The following SYNPO2 variants were observed in gnomAD, a reference collection of about 807,000 sequenced individuals.
The protein encoded by SYNPO2 is synaptopodin-2.
SYNPO2 carries 56 observed loss-of-function variants against 85.0 expected under a neutral mutation model. That is an observed-to-expected ratio of 0.66 (90% CI 0.53 to 0.82). The LOEUF (loss-of-function observed/expected upper bound fraction) is 0.82. SYNPO2 is among the 40% of genes least tolerant of loss of function. The probability of loss-of-function intolerance (pLI) is 0.00; values close to 1 mark genes in which losing one functional copy is unlikely to be tolerated. For synonymous variants in SYNPO2, 602 were observed against 591.1 expected (o/e 1.02, Z -0.27); for missense variants, 1,575 against 1,534.2 (o/e 1.03, Z -0.44).
chr4:119,003,224 A>C (rs968079493), intron 1 of SYNPO2, among the ~76,000 whole-genome samples: 1 of 152,180 alleles, frequency 6.6e-6, no homozygotes, highest in Non-Finnish European at 1.5e-5. Flanking sequence ...GATGGAAGGC[A>C]AAGGGGAAGC....
At chr4:118,983,416 T>C (rs149919629) in intron 1 of SYNPO2, among the ~76,000 whole-genome samples, 1 of 152,242 alleles carries the variant, frequency 6.6e-6, no homozygotes, top group East Asian at 1.9e-4. Context: ...CATTATTTTC[T>C]CCGGAAACTA....
intron 1 of SYNPO2, among the ~76,000 whole-genome samples, chr4:118,903,321 C>T (rs1244596940): frequency 6.6e-6 from 1 of 152,078 alleles, no homozygotes; most frequent in Non-Finnish European, 1.5e-5. Flanking sequence ...ATGAGAAAGC[C>T]TCTTTCTCTT....
Position 119,031,148 on chromosome 4 carries a change from C to T in SYNPO2, c.2373C>T (p.Ala791=). 1 of 1,614,172 alleles carries T rather than the reference C, an allele frequency of 6.2e-7. No homozygotes were observed. Among genetic ancestry groups the T allele is most frequent in the Non-Finnish European group, 8.5e-7 (1 of 1,180,036 alleles). ...SPGVAPTQPP[A]FPTSNPSKGT... is the part of the protein sequence containing the mutation. ...GAGTGGCTCCCACCCAACCTCCTGC[C>T]TTCCCCACATCCAACCCATCAAAGG... The change falls in exon 4 of 5, where the codon GCC becomes GCT. Residue 791 remains alanine, a synonymous_variant. Transcript: ENST00000307142.
At chr4:119,005,299 T>G (rs62327848) in intron 1 of SYNPO2, among the ~76,000 whole-genome samples, 1 of 152,112 alleles carries the variant, frequency 6.6e-6, no homozygotes, top group Non-Finnish European at 1.5e-5. Context: ...TGAAGTCCTT[T>G]CCCATGCCTA....
intron 1 of SYNPO2, among the ~76,000 whole-genome samples, chr4:118,878,671 C>T (rs1009602076): frequency 2.6e-5 from 4 of 152,128 alleles, no homozygotes; most frequent in African/African-American, 7.2e-5. Flanking sequence ...TCTGTAAAAA[C>T]GCACCAATCA....
chr4:118,917,102 A>G (rs908003892), intron 1 of SYNPO2, among the ~76,000 whole-genome samples: 8 of 152,172 alleles, frequency 5.3e-5, no homozygotes, highest in Non-Finnish European at 1.2e-4. Flanking sequence ...TTAAAACACA[A>G]AGAAACAGGC....
At chr4:118,889,214 T>C in intron 1 of SYNPO2, 73 bp downstream of exon 1, 1 of 1,392,426 alleles carries the variant, frequency 7.2e-7, no homozygotes, top group Admixed American at 2.1e-5. Flanking sequence ...GATGGTGTTT[T>C]CAGGTTCTGA....
chr4:119,053,311 C>T (rs929900118), intron 4 of SYNPO2, among the ~76,000 whole-genome samples: 1 of 152,204 alleles, frequency 6.6e-6, no homozygotes, highest in Non-Finnish European at 1.5e-5. Flanking sequence ...TGGACACAAA[C>T]AGAAACTACA....
chr4:119,035,887 C>T (rs899802837), intron 4 of SYNPO2: 2 of 984,840 alleles, frequency 2.0e-6, no homozygotes, highest in Non-Finnish European at 2.4e-6. Flanking sequence ...GACCATTTTC[C>T]TATTTGCAGT....
In SYNPO2 at chr4:119,023,436, A is replaced by C. The variant is rs775583727; in HGVS notation, c.112A>C (p.Asn38His). ...KQPLQVAKIRNQSKASGSGLC... is the reference protein window; with the variant it reads ...KQPLQVAKIRHQSKASGSGLC... The stretch of plus-strand genomic sequence containing the variant: ...CTTTTTTTACTCCACTCAGATTCGA[A>C]ATCAGAGCAAAGCCTCTGGGTCTGG... Residue 38 changes from asparagine (N) to histidine (H), a missense_variant, in exon 2 of 5, where the codon AAT becomes CAT. Physicochemically the swap from Asn to His is moderately conservative, Grantham distance 68. This residue lies in a region of SYNPO2 where 55 missense variants were observed against 55.5 expected (regional missense o/e 0.99). Transcript: ENST00000307142. 1.9e-6 allele frequency: 3 copies of C among 1,606,428 alleles called. No individual in the cohort carries two copies. The highest frequency in any genetic ancestry group is 2.2e-5 in the South Asian group (2 of 89,440).
At chr4:118,987,000 A>ATATT (rs1348210033) in intron 1 of SYNPO2, among the ~76,000 whole-genome samples, 1 of 152,170 alleles carries the variant, frequency 6.6e-6, no homozygotes, top group East Asian at 1.9e-4. Context: ...TCACTCAATA[A>ATATT]ACCAACACAG....
chr4:118,974,097 T>C (rs758767281), intron 1 of SYNPO2, among the ~76,000 whole-genome samples: 2 of 152,232 alleles, frequency 1.3e-5, no homozygotes, highest in Non-Finnish European at 2.9e-5. Flanking sequence ...CATAGCTAAA[T>C]ATTAAACCTG....
intron 4 of SYNPO2, among the ~76,000 whole-genome samples, chr4:119,051,393 T>G (rs960410690): frequency 2.3e-4 from 35 of 150,904 alleles, no homozygotes; most frequent in African/African-American, 8.5e-4. Flanking sequence ...GTTTCACCGT[T>G]TTTTAGCCGG....
In SYNPO2 at chr4:118,939,664, G is replaced by A. The variant is rs116054585; in HGVS notation, c.105+50523G>A. ...AGTCCACATAGTGCTCATATTCCAG[G>A]TGACTGCAAGTGAAGCTAAAATGCA... On this transcript the variant is annotated intron_variant, in intron 1 of 4. Coordinates refer to ENST00000307142, the MANE Select transcript of SYNPO2 (RefSeq NM_133477.3). Among the ~76,000 whole-genome samples the A allele has an allele frequency of 7.3e-3, 1,115 of 152,232 alleles. 15 individuals carry two copies. Among genetic ancestry groups the A allele is most frequent in the African/African-American group, 0.021 (890 of 41,544 alleles).
At chr4:119,012,721 A>G (rs897220296) in intron 1 of SYNPO2, among the ~76,000 whole-genome samples, 5 of 152,196 alleles carry the variant, frequency 3.3e-5, no homozygotes, top group Non-Finnish European at 7.3e-5. Flanking sequence ...TTCAAAGGAC[A>G]TTAACTCCTT....
chr4:118,977,680 G>A (rs1246740873), intron 1 of SYNPO2, among the ~76,000 whole-genome samples: 1 of 152,356 alleles, frequency 6.6e-6, no homozygotes, highest in Non-Finnish European at 1.5e-5. Flanking sequence ...AGCTTCAGAG[G>A]CTAGAAATCA....
intron 1 of SYNPO2, among the ~76,000 whole-genome samples, chr4:119,007,862 G>A (rs1272851812): frequency 6.6e-6 from 1 of 152,042 alleles, no homozygotes; most frequent in Non-Finnish European, 1.5e-5. Context: ...TTGTTTTAAG[G>A]AATATGAACA....
intron 1 of SYNPO2, among the ~76,000 whole-genome samples, chr4:118,969,836 A>G (rs1239663607): frequency 6.6e-6 from 1 of 152,126 alleles, no homozygotes; most frequent in Non-Finnish European, 1.5e-5. Context: ...AGAAATGCCA[A>G]CAAAAATGAT....
intron 1 of SYNPO2, among the ~76,000 whole-genome samples, chr4:118,891,743 GAGAC>G (rs1445238912): frequency 6.6e-6 from 1 of 152,208 alleles, no homozygotes; most frequent in African/African-American, 2.4e-5. Context: ...TGCAAGGAAA[GAGAC>G]AGAAAGGCTA....
Sources: gnomAD v4.1 joint callset for allele counts (sites outside exome capture counted in the v4.1 genomes callset) on GRCh38, gnomAD v4.1.1 for gene constraint, gnomAD v4.1.1 regional missense constraint, MANE v1.5 for transcripts, NCBI Gene and HGNC (gene_info 2026-07-23, HGNC 2026-07-21) for gene names.